Variants in CDH12 observed in about 807,000 individuals in gnomAD.
The protein encoded by CDH12 is cadherin 12.
A neutral mutation model predicts 74.1 loss-of-function variants in CDH12; 41 were observed. The observed-to-expected ratio is 0.55, with a 90% CI of 0.43 to 0.72. The LOEUF is 0.72. Among genes scored for constraint, CDH12 ranks in the 30% least tolerant of loss-of-function variants. The probability of loss-of-function intolerance (pLI) is 0.00; values close to 1 mark genes in which losing one functional copy is unlikely to be tolerated. For missense variants in CDH12, 945 were observed against 977.2 expected (o/e 0.97, Z 0.44); for synonymous variants, 399 against 355.0 (o/e 1.12, Z -1.39).
At chr5:21,911,517 G>A (rs2150063812) in intron 6 of CDH12, among the ~76,000 whole-genome samples, 1 of 151,968 alleles carries the variant, frequency 6.6e-6, no homozygotes, top group Non-Finnish European at 1.5e-5. Context: ...TATACATGAA[G>A]TATATTTTAT....
intron 1 of CDH12, among the ~76,000 whole-genome samples, chr5:22,610,653 C>T (rs1737350164): frequency 6.6e-6 from 1 of 151,858 alleles, no homozygotes; most frequent in Non-Finnish European, 1.5e-5. Flanking sequence ...GTATTCAGCT[C>T]AATTATGAAA....
intron 3 of CDH12, among the ~76,000 whole-genome samples, chr5:22,229,161 A>C: frequency 6.7e-6 from 1 of 149,830 alleles, no homozygotes; most frequent in African/African-American, 2.5e-5. Flanking sequence ...AGTATATTCC[A>C]CTGTCAGTGT....
chr5:21,887,286 TA>T (rs1374521254), intron 6 of CDH12, among the ~76,000 whole-genome samples: 1 of 152,170 alleles, frequency 6.6e-6, no homozygotes, highest in Non-Finnish European at 1.5e-5. Flanking sequence ...GTATGATTGA[TA>T]AGAAGTTTAA....
chr5:22,641,438 G>C (rs1739147237), intron 1 of CDH12, among the ~76,000 whole-genome samples: 1 of 152,040 alleles, frequency 6.6e-6, no homozygotes, highest in Admixed American at 6.6e-5. Flanking sequence ...GATGGTGCCT[G>C]TCCTCATAGA....
At chr5:22,457,583 C>T (rs751179925) in intron 2 of CDH12, among the ~76,000 whole-genome samples, 1 of 150,834 alleles carries the variant, frequency 6.6e-6, no homozygotes, top group South Asian at 2.1e-4. Context: ...ACATGCCCAA[C>T]TAATTTTTTT....
rs542428701 is a variant in CDH12 at position 22,581,724 on chromosome 5, A to G, written c.-522-76360T>C. On this transcript the variant is annotated intron_variant, in intron 1 of 14. Transcript: ENST00000382254. ...AGCCTGGAAAAACTGCAGACACTCA[A>G]TGACAGCCCGTGAAGGCAGCTGGGC... Among the ~76,000 whole-genome samples, 12 of 152,306 alleles carry G rather than the reference A, an allele frequency of 7.9e-5. No individual in the cohort carries two copies. The South Asian group carries it at 2.1e-3, about 26-fold the overall frequency.
intron 6 of CDH12, among the ~76,000 whole-genome samples, chr5:21,916,809 C>G (rs1433156267): frequency 6.6e-6 from 1 of 152,200 alleles, no homozygotes; most frequent in African/African-American, 2.4e-5. Flanking sequence ...CTAGGAGATA[C>G]CCCACTAGGC....
intron 3 of CDH12, among the ~76,000 whole-genome samples, chr5:22,397,482 C>G (rs965685256): frequency 7.2e-6 from 1 of 139,670 alleles, no homozygotes; most frequent in African/African-American, 2.7e-5. Context: ...TCTTTTGGAA[C>G]TGAGTTGCTT....
intron 5 of CDH12, among the ~76,000 whole-genome samples, chr5:22,030,590 A>G (rs574660825): frequency 6.6e-5 from 10 of 152,278 alleles, no homozygotes; most frequent in Admixed American, 1.3e-4. Flanking sequence ...TAGATTTAAC[A>G]CAACTTTTAA....
chr5:22,434,734 C>A (rs1744309963), intron 2 of CDH12, among the ~76,000 whole-genome samples: 2 of 152,206 alleles, frequency 1.3e-5, no homozygotes, highest in East Asian at 3.9e-4. Context: ...TTTAAGACTA[C>A]ATATTTCAAG....
chr5:22,264,101 T>C (rs1177567101), intron 3 of CDH12, among the ~76,000 whole-genome samples: 1 of 151,594 alleles, frequency 6.6e-6, no homozygotes, highest in Non-Finnish European at 1.5e-5. Context: ...TTTATTTAAA[T>C]ATATATTTAC....
chr5:21,902,298 GTATATA>G (rs1370677582), intron 6 of CDH12, among the ~76,000 whole-genome samples: 3 of 150,372 alleles, frequency 2.0e-5, no homozygotes, highest in Non-Finnish European at 4.4e-5. Context: ...ATGTATATAT[GTATATA>G]TGTGTATATA....
At chr5:22,649,410 A>AC (rs1739612245) in intron 1 of CDH12, among the ~76,000 whole-genome samples, 1 of 152,024 alleles carries the variant, frequency 6.6e-6, no homozygotes, top group Admixed American at 6.6e-5. Context: ...GCATTGTGGT[A>AC]CCACACACAG....
chr5:22,351,541 C>T lies in CDH12; in HGVS notation c.-333+53716G>A, dbSNP rs534363163. ...TTTCAAAATGGTATGTCATCTGTCA[C>T]TTTGAAATTAATTTATTAATGATTT... On this transcript the variant is annotated intron_variant, in intron 3 of 14. Transcript: ENST00000382254. Among the ~76,000 whole-genome samples the T allele has an allele frequency of 5.1e-4, 77 of 152,246 alleles. 1 individual carries two copies. The South Asian group carries it at 8.9e-3, about 18-fold the overall frequency.
intron 1 of CDH12, among the ~76,000 whole-genome samples, chr5:22,550,685 C>A (rs1032857645): frequency 1.3e-5 from 2 of 152,238 alleles, no homozygotes; most frequent in African/African-American, 4.8e-5. Flanking sequence ...CTGCCCATTA[C>A]AGACCATTCT....
At chr5:22,459,909 A>C (rs1296499944) in intron 2 of CDH12, among the ~76,000 whole-genome samples, 1 of 151,560 alleles carries the variant, frequency 6.6e-6, no homozygotes, top group Non-Finnish European at 1.5e-5. Context: ...CGGAGGTTGC[A>C]GTGAGCCGAG....
intron 3 of CDH12, among the ~76,000 whole-genome samples, chr5:22,246,076 C>T (rs1364902746): frequency 6.6e-6 from 1 of 152,054 alleles, no homozygotes; most frequent in Non-Finnish European, 1.5e-5. Flanking sequence ...ACAAATTCTA[C>T]ACTAACCATT....
chr5:22,107,728 A>G (rs888514095), intron 4 of CDH12, among the ~76,000 whole-genome samples: 2 of 152,122 alleles, frequency 1.3e-5, no homozygotes, highest in Non-Finnish European at 2.9e-5. Flanking sequence ...GATAATATAC[A>G]TCTTACTGGC....
At chr5:22,208,218 T>A (rs1751330077) in intron 4 of CDH12, among the ~76,000 whole-genome samples, 1 of 152,066 alleles carries the variant, frequency 6.6e-6, no homozygotes, top group Non-Finnish European at 1.5e-5. Context: ...ATATTTTCAT[T>A]TGTAAGGGAA....
Sources: gnomAD v4.1 joint callset for allele counts (sites outside exome capture counted in the v4.1 genomes callset) on GRCh38, gnomAD v4.1.1 for gene constraint, MANE v1.5 for transcripts, NCBI Gene and HGNC (gene_info 2026-07-23, HGNC 2026-07-21) for gene names.